Variants in ZNF704 observed in about 807,000 individuals in gnomAD.
ZNF704 encodes the protein glucocorticoid induced gene 1.
ZNF704 carries 10 observed loss-of-function variants against 44.7 expected under a neutral mutation model. That is an observed-to-expected ratio of 0.22 (90% CI 0.14 to 0.38). The LOEUF (loss-of-function observed/expected upper bound fraction) is 0.38, where lower values mean the gene tolerates loss of function less well. Ranked by LOEUF, ZNF704 falls within the 10% of genes least tolerant of loss-of-function variation. ZNF704 has a pLI of 1.00. For missense variants in ZNF704, 390 were observed against 545.5 expected (o/e 0.71, Z 2.84); for synonymous variants, 211 against 207.6 (o/e 1.02, Z -0.14).
At chr8:80,685,357 T>C (rs768903735) in intron 4 of ZNF704, among the ~76,000 whole-genome samples, 28 of 152,020 alleles carry the variant, frequency 1.8e-4, no homozygotes, top group Non-Finnish European at 3.2e-4. Context: ...TTAAATAACA[T>C]TGGGGTTCCC....
intron 2 of ZNF704, among the ~76,000 whole-genome samples, chr8:80,712,315 A>T (rs1212790343): frequency 6.6e-6 from 1 of 152,204 alleles, no homozygotes; most frequent in Non-Finnish European, 1.5e-5. Context: ...AGCCTCCAAA[A>T]CTGTAAGCCA....
intron 2 of ZNF704, among the ~76,000 whole-genome samples, chr8:80,747,741 G>A (rs1019654494): frequency 8.5e-5 from 13 of 152,194 alleles, no homozygotes; most frequent in Admixed American, 2.6e-4. Flanking sequence ...TTTTTGAGAC[G>A]GAGTCTCGCT....
rs981328247 is a variant in ZNF704, at chr8:80,633,217, A to G, written c.*8149T>C. On this transcript the variant is annotated 3_prime_UTR_variant, in exon 9 of 9. Coordinates refer to ENST00000327835, the MANE Select transcript of ZNF704 (RefSeq NM_001033723.3). ...TTGATTTGATCATTACAGATTATAA[A>G]TTTGAGCTGGTTTTAAAATTTCTGG... 1 of 152,218 alleles carries G rather than the reference A, an allele frequency of 6.6e-6. No individual in the cohort carries two copies. Among genetic ancestry groups the G allele is most frequent in the Non-Finnish European group, 1.5e-5 (1 of 68,044 alleles). 9.4% of individuals were successfully genotyped at this position (152,218 alleles called of 1,614,324 possible).
At chr8:80,706,175 G>C (rs1818894709) in intron 2 of ZNF704, among the ~76,000 whole-genome samples, 1 of 152,142 alleles carries the variant, frequency 6.6e-6, no homozygotes, top group Non-Finnish European at 1.5e-5. Flanking sequence ...CTTACTGATG[G>C]GGTTAAGTAT....
intron 7 of ZNF704, among the ~76,000 whole-genome samples, chr8:80,651,528 TA>T (rs1817919677): frequency 6.6e-6 from 1 of 152,120 alleles, no homozygotes; most frequent in African/African-American, 2.4e-5. Context: ...TGGTCTCTGA[TA>T]AAACAGACTT....
At chr8:80,791,035 AG>A (rs1404051260) in intron 2 of ZNF704, among the ~76,000 whole-genome samples, 2 of 152,244 alleles carry the variant, frequency 1.3e-5, no homozygotes, top group African/African-American at 4.8e-5. Context: ...TGAGGGAGAG[AG>A]AAAAGGGAGC....
chr8:80,643,219 C>T (rs2131589520), intron 7 of ZNF704, 90 bp from the exon 8 acceptor site: 1 of 906,158 alleles, frequency 1.1e-6, no homozygotes, highest in Non-Finnish European at 1.6e-6. Context: ...TGATCCTTGA[C>T]CATTAGAAGC....
chr8:80,788,828 A>G (rs1193986087), intron 2 of ZNF704, among the ~76,000 whole-genome samples: 1 of 152,168 alleles, frequency 6.6e-6, no homozygotes, highest in Non-Finnish European at 1.5e-5. Flanking sequence ...GCTCCAAACC[A>G]ACTCTGATAA....
intron 2 of ZNF704, among the ~76,000 whole-genome samples, chr8:80,797,114 C>G (rs942565194): frequency 6.6e-6 from 1 of 151,808 alleles, no homozygotes; most frequent in Non-Finnish European, 1.5e-5. Context: ...AGAATAATCT[C>G]CCTTGACTCC....
At chr8:80,661,337 T>C (rs1283078180) in intron 6 of ZNF704, among the ~76,000 whole-genome samples, 2 of 152,218 alleles carry the variant, frequency 1.3e-5, no homozygotes, top group African/African-American at 4.8e-5. Context: ...TTTTATATAC[T>C]GTTGGTAAGA....
At chr8:80,654,097 C>T (rs1286970092) in intron 7 of ZNF704, among the ~76,000 whole-genome samples, 1 of 152,004 alleles carries the variant, frequency 6.6e-6, no homozygotes, top group Non-Finnish European at 1.5e-5. Flanking sequence ...GGAAAGGATT[C>T]CCTATTTAAT....
chr8:80,843,252 T>A (rs185768759), intron 1 of ZNF704, among the ~76,000 whole-genome samples: 1 of 152,250 alleles, frequency 6.6e-6, no homozygotes. Context: ...TTTTACAGAC[T>A]TCTTACACTT....
chr8:80,731,380 T>C (rs1169393087), intron 2 of ZNF704, among the ~76,000 whole-genome samples: 4 of 152,186 alleles, frequency 2.6e-5, no homozygotes, highest in Non-Finnish European at 5.9e-5. Context: ...GTGATTCAAA[T>C]AATCAGTTAT....
At chr8:80,796,880 G>GAGGGAAATGGAA (rs1807810836) in intron 2 of ZNF704, among the ~76,000 whole-genome samples, 1 of 146,278 alleles carries the variant, frequency 6.8e-6, no homozygotes, top group African/African-American at 2.5e-5. Flanking sequence ...GAGAAAGAGA[G>GAGGGAAATGGAA]AGGGAAATGG....
At chr8:80,883,245 CAAA>C in the ZNF704 span, among the ~76,000 whole-genome samples, 2,939 of 83,356 alleles carry the variant, frequency 0.035, 99 homozygotes, top group African/African-American at 0.13. Flanking sequence ...GACACCCTCT[CAAA>C]AAAAAAAAAA....
intron 2 of ZNF704, among the ~76,000 whole-genome samples, chr8:80,757,981 T>C (rs1451444622): frequency 6.6e-6 from 1 of 152,160 alleles, no homozygotes; most frequent in Non-Finnish European, 1.5e-5. Context: ...GACACATGAC[T>C]GTAATTGAAG....
intron 5 of ZNF704, among the ~76,000 whole-genome samples, chr8:80,668,222 C>T (rs1045692163): frequency 3.9e-5 from 6 of 152,218 alleles, no homozygotes; most frequent in Admixed American, 1.3e-4. Flanking sequence ...GCAGAGGCCA[C>T]GGGTGTCCCC....
At chr8:80,666,931 T>A (rs900468259) in intron 5 of ZNF704, among the ~76,000 whole-genome samples, 1 of 151,982 alleles carries the variant, frequency 6.6e-6, no homozygotes, top group East Asian at 1.9e-4. Flanking sequence ...TTCACTCTGA[T>A]GGTAGTTTCT....
intron 2 of ZNF704, among the ~76,000 whole-genome samples, chr8:80,786,726 A>T (rs1273556696): frequency 6.6e-6 from 1 of 152,208 alleles, no homozygotes; most frequent in Non-Finnish European, 1.5e-5. Context: ...GACAATCACC[A>T]ATGGCTTGTC....
Sources: allele counts gnomAD v4.1 joint callset (sites outside exome capture counted in the v4.1 genomes callset), GRCh38; gene constraint gnomAD v4.1.1; transcripts MANE v1.5; gene names NCBI Gene and HGNC (gene_info 2026-07-23, HGNC 2026-07-21).